TMIE: variants seen among roughly 807,000 people sequenced by gnomAD.
TMIE encodes the protein transmembrane inner ear expressed protein.
A neutral mutation model predicts 16.8 loss-of-function variants in TMIE; 14 were observed. The ratio of observed to expected loss-of-function variants is 0.83; its 90% confidence interval spans 0.55 to 1.30. The LOEUF (loss-of-function observed/expected upper bound fraction) is 1.30. TMIE is among the 50% of genes most tolerant of loss of function. The pLI is 0.00. For missense variants in TMIE, 204 were observed against 205.9 expected (o/e 0.99, Z 0.06); for synonymous variants, 75 against 87.2 (o/e 0.86, Z 0.78).
chr3:46,704,731 TAGACACCCAGGGCAGGACCATGTC>T (rs1700528676), intron 1 of TMIE, among the ~76,000 whole-genome samples: 1 of 56,230 alleles, frequency 1.8e-5, no homozygotes, highest in Non-Finnish European at 4.8e-5. Flanking sequence ...CCATGTCCCC[TAGACACCCAGGGCAGGACCATGTC>T]CCCTAGACAC....
chr3:46,694,487 AGG>A (rs907453512), upstream of TMIE: 5 of 152,172 alleles, frequency 3.3e-5, no homozygotes, highest in African/African-American at 1.2e-4. Flanking sequence ...GGTTCCAGTG[AGG>A]GGGAGGCTCA....
intron 1 of TMIE, among the ~76,000 whole-genome samples, chr3:46,704,875 C>G (rs1700531339): frequency 6.6e-6 from 1 of 152,000 alleles, no homozygotes; most frequent in East Asian, 1.9e-4. Flanking sequence ...CCCTAGACAC[C>G]CAGGGCCAGG....
intron 1 of TMIE, among the ~76,000 whole-genome samples, chr3:46,695,925 GCCCAGCCTCT>G (rs1700407974): frequency 6.6e-6 from 1 of 152,174 alleles, no homozygotes; most frequent in South Asian, 2.1e-4. Context: ...GGCAAGACCT[GCCCAGCCTCT>G]CTTACAGCTC....
At position 46,705,899 on chromosome 3, in the gene TMIE, T is replaced by G; in HGVS notation, c.203T>G (p.Leu68Trp). The G allele has an allele frequency of 6.2e-7, 1 of 1,614,012 alleles. No homozygotes were observed. The highest frequency in any genetic ancestry group is 8.5e-7 in the Non-Finnish European group (1 of 1,179,932). Residue 68 changes from leucine (L) to tryptophan (W), a missense_variant, in exon 2 of 4, where the codon TTG becomes TGG. By Grantham distance (61) the Leu-to-Trp change is moderately conservative (BLOSUM62 -2). Coordinates refer to ENST00000643606, the MANE Select transcript of TMIE (RefSeq NM_147196.3). ...GTGGGCATCTTTTCGCTCTTCGTGT[T>G]GTCCATCAGTGAGTAGCTGTTCCCT... ...HVVGIFSLFV[L>W]SIIITLCCVF...
upstream of TMIE, among the ~76,000 whole-genome samples, chr3:46,693,987 C>T (rs989313527): frequency 1.3e-5 from 2 of 152,124 alleles, no homozygotes; most frequent in African/African-American, 4.8e-5. Flanking sequence ...GCTCGCCTCT[C>T]GCGCCCCGCT....
upstream of TMIE, among the ~76,000 whole-genome samples, chr3:46,699,286 G>A (rs539203521): frequency 2.6e-5 from 4 of 152,124 alleles, no homozygotes; most frequent in East Asian, 3.9e-4. Context: ...TGGTCAGGCT[G>A]GTCTCGACTC....
At chr3:46,697,313 C>T (rs546516618), upstream of TMIE, among the ~76,000 whole-genome samples, 1 of 152,324 alleles carries the variant, frequency 6.6e-6, no homozygotes, top group South Asian at 2.1e-4. Flanking sequence ...AATTTTCCCA[C>T]ACCTTTCTGA....
intron 2 of TMIE, among the ~76,000 whole-genome samples, chr3:46,707,907 C>T (rs549899213): frequency 2.0e-5 from 3 of 152,306 alleles, no homozygotes; most frequent in African/African-American, 4.8e-5. Flanking sequence ...GTACCAACTT[C>T]GAGTCTCAGG....
chr3:46,704,618 C>A (rs1266819159), intron 1 of TMIE, among the ~76,000 whole-genome samples: 1 of 146,448 alleles, frequency 6.8e-6, no homozygotes, highest in African/African-American at 2.6e-5. Flanking sequence ...TGGACCATGT[C>A]CCCTAGACAC....
At chr3:46,701,173 C>A, upstream of TMIE, 1 of 306,040 alleles carries the variant, frequency 3.3e-6, no homozygotes, top group Non-Finnish European at 6.0e-6. This position sits in a 1 kb window ranked among gnomAD's most constrained non-coding sequence, Gnocchi z 4.3. Context: ...GGGAGGGGGA[C>A]CTGTTGATTA....
chr3:46,703,573 G>A (rs1276041622), intron 1 of TMIE, among the ~76,000 whole-genome samples: 1 of 152,146 alleles, frequency 6.6e-6, no homozygotes, highest in Non-Finnish European at 1.5e-5. Flanking sequence ...CCAACTTTAT[G>A]TACATGTCTG....
upstream of TMIE, among the ~76,000 whole-genome samples, chr3:46,697,295 A>G (rs1700419619): frequency 6.6e-6 from 1 of 152,176 alleles, no homozygotes; most frequent in African/African-American, 2.4e-5. Context: ...GCCCCAAGTC[A>G]GGACCCTAAT....
chr3:46,708,912 G>T (rs1261277068), intron 2 of TMIE, among the ~76,000 whole-genome samples: 1 of 152,256 alleles, frequency 6.6e-6, no homozygotes, highest in African/African-American at 2.4e-5. Flanking sequence ...AAGCACGGGG[G>T]CCTGTGCAGC....
chr3:46,701,471 G>T lies in TMIE; in HGVS notation c.-17G>T, dbSNP rs1213825859. On this transcript the variant is annotated 5_prime_UTR_variant, in exon 1 of 4. Coordinates refer to ENST00000643606, the MANE Select transcript of TMIE (RefSeq NM_147196.3). The surrounding 1 kb of genome is among the most constrained non-coding windows in gnomAD (Gnocchi z 4.3). ...CCGTTCGTCCCTGGGCTCCGCAAGC[G>T]GCGCGGTGGCACGAAGATGGCGGGG... 7.3e-7 allele frequency: 1 copy of T among 1,369,982 alleles called. No individual in the cohort carries two copies. Among genetic ancestry groups the T allele is most frequent in the South Asian group, 1.7e-5 (1 of 59,178 alleles). The allele number at this position is 1,369,982 out of a possible 1,614,324, so 84.9% of individuals were successfully genotyped here.
upstream of TMIE, among the ~76,000 whole-genome samples, chr3:46,694,263 G>C (rs2106764882): frequency 6.6e-6 from 1 of 152,320 alleles, no homozygotes; most frequent in Non-Finnish European, 1.5e-5. Context: ...CCACTCCTGA[G>C]TCTCAACAGG....
chr3:46,704,168 C>A lies in TMIE; in HGVS notation c.94-1622C>A, dbSNP rs755929009. Among the ~76,000 whole-genome samples the A allele has an allele frequency of 1.3e-5, 2 of 151,496 alleles. 1 individual carries two copies. Among genetic ancestry groups the A allele is most frequent in the South Asian group, 4.2e-4 (2 of 4,776 alleles). On this transcript the variant is annotated intron_variant, in intron 1 of 3. Coordinates refer to ENST00000643606, the MANE Select transcript of TMIE (RefSeq NM_147196.3). Reference sequence around the variant, plus strand: ...GGGCAGGACCGTGTCCCCTAGACACCCAGGGTGGACCATGTCCCTAGACAC... The same window carrying A: ...GGGCAGGACCGTGTCCCCTAGACACACAGGGTGGACCATGTCCCTAGACAC...
rs201397940 is a variant in TMIE, at chr3:46,709,636, A to G, written c.419A>G (p.Lys140Arg). 1.8e-5 allele frequency: 29 copies of G among 1,613,894 alleles called. No individual in the cohort carries two copies. The East Asian group carries it at 4.5e-4, about 25-fold the overall frequency. ...GACAGTGTGGACACAGTGGCCATCA[A>G]AGTAGAGGAGGATGAGAAGAATGAG... ...KKDSVDTVAI[K>R]VEEDEKNEAK... is the part of the protein sequence containing the mutation. The change falls in exon 4 of 4, where the codon AAA becomes AGA. Residue 140 changes from lysine (K) to arginine (R), a missense_variant. Coordinates refer to ENST00000643606, the MANE Select transcript of TMIE (RefSeq NM_147196.3).
At chr3:46,706,494 T>C (rs1288956104) in intron 2 of TMIE, among the ~76,000 whole-genome samples, 1 of 151,256 alleles carries the variant, frequency 6.6e-6, no homozygotes. Flanking sequence ...AGAATGGAGG[T>C]CTGGAGTTGG....
chr3:46,701,531 G>GCGC lies in TMIE; in HGVS notation c.48_50dup (p.Ala17dup). On this transcript the variant is annotated inframe_insertion, in exon 1 of 4. Transcript: ENST00000643606. The surrounding 1 kb of genome is among the most constrained non-coding windows in gnomAD (Gnocchi z 4.3). ...GCGGGTCCCCTCTGCGTGCTGGGCG[G>GCGC]CGCCGCACTCGGGGTGTGCCTCGCG... 7.6e-7 allele frequency: 1 copy of GCGC among 1,307,466 alleles called. No individual in the cohort carries two copies. Among genetic ancestry groups the GCGC allele is most frequent in the Non-Finnish European group, 9.7e-7 (1 of 1,031,372 alleles). 81.0% of individuals were successfully genotyped at this position (1,307,466 alleles called of 1,614,324 possible).
Sources: allele counts gnomAD v4.1 joint callset (sites outside exome capture counted in the v4.1 genomes callset), GRCh38; gene constraint gnomAD v4.1.1; non-coding constraint Gnocchi (gnomAD v3.1); transcripts MANE v1.5; gene names NCBI Gene and HGNC (gene_info 2026-07-23, HGNC 2026-07-21).